Variants in C6orf141 observed in about 807,000 individuals in gnomAD.
C6orf141 encodes the protein uncharacterized protein C6orf141.
For synonymous variants in C6orf141, 164 were observed against 140.5 expected (o/e 1.17, Z -1.18); for missense variants, 361 against 335.8 (o/e 1.07, Z -0.59).
chr6:49,557,630 C>T (rs1418930715), intron 4 of C6orf141, among the ~76,000 whole-genome samples: 1 of 152,116 alleles, frequency 6.6e-6, no homozygotes, highest in East Asian at 1.9e-4. Flanking sequence ...GGAGCCATTA[C>T]TGTGAAGTGT....
At chr6:49,554,806 T>C (rs1290879686), downstream of C6orf141, 1 of 152,208 alleles carries the variant, frequency 6.6e-6, no homozygotes, top group Non-Finnish European at 1.5e-5. Flanking sequence ...ATAGATTTCA[T>C]TTAATATAGA....
At chr6:49,555,112 A>G (rs912008398), downstream of C6orf141, 3 of 152,354 alleles carry the variant, frequency 2.0e-5, no homozygotes, top group African/African-American at 7.2e-5. Context: ...AAGCCACTCC[A>G]GTGACCATAA....
intron 4 of C6orf141, among the ~76,000 whole-genome samples, chr6:49,557,305 C>G (rs1426611342): frequency 1.3e-5 from 2 of 152,106 alleles, no homozygotes; most frequent in African/African-American, 4.8e-5. Flanking sequence ...TTTGAGGAGA[C>G]TGCAGCCCTC....
rs1159058038 is a variant in C6orf141 at position 49,551,431 on chromosome 6, G to T, written c.639G>T (p.Arg213=). 6.4e-7 allele frequency: 1 copy of T among 1,551,604 alleles called. No individual in the cohort carries two copies. The highest frequency in any genetic ancestry group is 2.4e-5 in the East Asian group (1 of 40,876). The change falls in exon 1 of 1, where the codon CGG becomes CGT. Residue 213 remains arginine, a synonymous_variant. Coordinates refer to ENST00000529246, the MANE Select transcript of C6orf141 (RefSeq NM_001145652.2). ...AACGCTGGGGCCCTGCTGAATCCCG[G>T]GCTCTCCAGGCACGAACAGGGGCAT... ...PGERWGPAES[R]ALQARTGASR...
chr6:49,552,096 G>A, downstream of C6orf141: 1 of 287,224 alleles, frequency 3.5e-6, no homozygotes, highest in Non-Finnish European at 5.5e-6. Context: ...AGGGAAAGAA[G>A]GAGTTGGGGA....
At chr6:49,556,495 A>T (rs1324028284), downstream of C6orf141, among the ~76,000 whole-genome samples, 2 of 152,218 alleles carry the variant, frequency 1.3e-5, no homozygotes, top group African/African-American at 4.8e-5. Context: ...ATTTCAAACT[A>T]TTTCAGAAAT....
rs1770655851 is a variant in C6orf141 at position 49,551,698 on chromosome 6, T to G, written c.*171T>G. ...ACTGTAAGCAGCATAATACCTCCTT[T>G]GTGGCTTGAATTCCTTCGCTGTCTG... On this transcript the variant is annotated 3_prime_UTR_variant, in exon 1 of 1. Transcript: ENST00000529246. 5 of 1,440,176 alleles carry G rather than the reference T, an allele frequency of 3.5e-6. No individual in the cohort carries two copies. The highest frequency in any genetic ancestry group is 4.6e-6 in the Non-Finnish European group (5 of 1,096,888). 89.2% of individuals were successfully genotyped at this position (1,440,176 alleles called of 1,614,324 possible). A position where few individuals can be genotyped will look rare whatever the true frequency, so the allele number is the denominator to read the frequency against.
chr6:49,553,419 T>C (rs1771089846), downstream of C6orf141, among the ~76,000 whole-genome samples: 1 of 152,200 alleles, frequency 6.6e-6, no homozygotes, highest in South Asian at 2.1e-4. Flanking sequence ...GTAGAAAAGA[T>C]TCATCCCTTA....
chr6:49,554,113 G>A (rs916069644), downstream of C6orf141, among the ~76,000 whole-genome samples: 7 of 152,018 alleles, frequency 4.6e-5, no homozygotes, highest in African/African-American at 1.7e-4. Flanking sequence ...TCTTCTGTAG[G>A]GACTCATGGT....
At chr6:49,558,325 G>C (rs946681593) in intron 4 of C6orf141, among the ~76,000 whole-genome samples, 1 of 151,454 alleles carries the variant, frequency 6.6e-6, no homozygotes. Flanking sequence ...CTATTGGCAT[G>C]GGGGGAGCTG....
downstream of C6orf141, among the ~76,000 whole-genome samples, chr6:49,554,465 C>T (rs540801778): frequency 1.4e-4 from 21 of 152,276 alleles, no homozygotes; most frequent in South Asian, 1.4e-3. Flanking sequence ...ACTCCAAGCT[C>T]CGCCTCCCAT....
Position 49,551,442 on chromosome 6 carries a change from C to A in C6orf141, c.650C>A (p.Ala217Glu), listed in dbSNP as rs753333691. The A allele has an allele frequency of 5.7e-5, 88 of 1,551,646 alleles. No individual in the cohort carries two copies. The highest frequency in any genetic ancestry group is 7.7e-5 in the Non-Finnish European group (88 of 1,146,986). The change falls in exon 1 of 1, where the codon GCA becomes GAA. Residue 217 changes from alanine to glutamate, a missense_variant. Transcript: ENST00000529246. ...WGPAESRALQ[A>E]RTGASRVHAA... ...CCTGCTGAATCCCGGGCTCTCCAGG[C>A]ACGAACAGGGGCATCCCGCGTCCAC...
chr6:49,559,400 C>G (rs1451527444), intron 4 of C6orf141, among the ~76,000 whole-genome samples: 5 of 151,618 alleles, frequency 3.3e-5, no homozygotes, highest in Non-Finnish European at 7.4e-5. Flanking sequence ...TAGCTTTTTT[C>G]TGGAAGTGAA....
chr6:49,558,973 G>A (rs1025675239), intron 4 of C6orf141, among the ~76,000 whole-genome samples: 1 of 151,250 alleles, frequency 6.6e-6, no homozygotes, highest in Non-Finnish European at 1.5e-5. Flanking sequence ...TCCCAAAGTG[G>A]TGGGATTACA....
chr6:49,553,241 T>G (rs1242942244), downstream of C6orf141: 1 of 152,184 alleles, frequency 6.6e-6, no homozygotes, highest in Non-Finnish European at 1.5e-5. Flanking sequence ...ATATCTTAGG[T>G]TTTCTAACTC....
At chr6:49,557,110 G>A (rs996809469) in intron 4 of C6orf141, among the ~76,000 whole-genome samples, 1 of 151,998 alleles carries the variant, frequency 6.6e-6, no homozygotes, top group Non-Finnish European at 1.5e-5. Flanking sequence ...AGAATTAGCC[G>A]AGGTGATGGT....
At chr6:49,559,222 A>G (rs1772771523) in intron 4 of C6orf141, among the ~76,000 whole-genome samples, 2 of 55,432 alleles carry the variant, frequency 3.6e-5, no homozygotes, top group Non-Finnish European at 6.7e-5. Context: ...ATATATATAT[A>G]TATATATATA....
chr6:49,558,547 C>T (rs1772536029), intron 4 of C6orf141, among the ~76,000 whole-genome samples: 6 of 151,834 alleles, frequency 4.0e-5, no homozygotes, highest in Admixed American at 3.9e-4. Flanking sequence ...GGTTGGAATT[C>T]TGTAATAAAT....
chr6:49,558,001 C>A (rs1002760547), intron 4 of C6orf141, among the ~76,000 whole-genome samples: 2 of 151,500 alleles, frequency 1.3e-5, no homozygotes, highest in Non-Finnish European at 2.9e-5. Flanking sequence ...AAGTGATTTT[C>A]CTGCCTGAGC....
Sources: gnomAD v4.1 joint callset for allele counts (sites outside exome capture counted in the v4.1 genomes callset) on GRCh38, gnomAD v4.1.1 for gene constraint, MANE v1.5 for transcripts, NCBI Gene and HGNC (gene_info 2026-07-23, HGNC 2026-07-21) for gene names.